RIPOR2: variants seen among roughly 807,000 people sequenced by gnomAD.
RIPOR2 encodes the protein RHO family interacting cell polarization regulator 2, also known as rho family-interacting cell polarization regulator 2.
RIPOR2 carries 39 observed loss-of-function variants against 114.5 expected under a neutral mutation model. The observed-to-expected ratio is 0.34, with a 90% CI of 0.26 to 0.44. The LOEUF (loss-of-function observed/expected upper bound fraction) is 0.44, where lower values mean the gene tolerates loss of function less well. RIPOR2 is among the 20% of genes least tolerant of loss of function. RIPOR2 has a pLI of 1.00. For missense variants in RIPOR2, 1,007 were observed against 1,255.1 expected, an observed-to-expected ratio of 0.80 and a Z score of 2.99; for synonymous variants, 445 against 484.4, an observed-to-expected ratio of 0.92 and a Z score of 1.07.
chr6:24,809,262 G>A (rs994854714), intron 21 of RIPOR2, among the ~76,000 whole-genome samples: 1 of 152,152 alleles, frequency 6.6e-6, no homozygotes, highest in Non-Finnish European at 1.5e-5. Context: ...AGGCCACAGG[G>A]CAGTCAGAGG....
rs1048880039 is a variant in RIPOR2, at chr6:24,830,608, C to G, written c.2407G>C (p.Val803Leu). ...LSFWTKCCSP[V>L]GVYHSPADRV... is the part of the protein sequence containing the mutation. ...TCCGCTGGGCTGTGGTAGACACCAACAGGGCTGCAGCACTTGGTCCAGAAT... is the reference window on the plus strand; with the variant it reads ...TCCGCTGGGCTGTGGTAGACACCAAGAGGGCTGCAGCACTTGGTCCAGAAT... Residue 803 changes from valine to leucine, a missense_variant, in exon 17 of 22, where the codon GTT becomes CTT. By Grantham distance (32) the Val-to-Leu change is conservative (BLOSUM62 1). Transcript: ENST00000643898. The G allele has an allele frequency of 6.4e-7, 1 of 1,551,592 alleles. No homozygotes were observed.
intron 13 of RIPOR2, among the ~76,000 whole-genome samples, chr6:24,841,338 T>C (rs994665922): frequency 6.6e-6 from 1 of 152,166 alleles, no homozygotes; most frequent in Non-Finnish European, 1.5e-5. Flanking sequence ...GCAGCCTGCA[T>C]ATACAAGCCC....
intron 20 of RIPOR2, among the ~76,000 whole-genome samples, chr6:24,817,976 C>CTTT (rs758675486): frequency 1.2e-5 from 1 of 84,444 alleles, no homozygotes. Flanking sequence ...CTCTCTCTCT[C>CTTT]TCTTTTTTTT....
intron 1 of RIPOR2, among the ~76,000 whole-genome samples, chr6:25,021,358 G>A (rs1776308678): frequency 6.6e-6 from 1 of 152,182 alleles, no homozygotes; most frequent in South Asian, 2.1e-4. Context: ...GATGATGCAA[G>A]GGGATTATAG....
intron 11 of RIPOR2, 43 bp from the exon 12 acceptor site, chr6:24,848,197 C>T: frequency 1.2e-6 from 2 of 1,603,984 alleles, no homozygotes; most frequent in African/African-American, 1.3e-5. Context: ...TTGGCAAAAT[C>T]ACCTATCATC....
At chr6:24,994,204 T>C (rs1774952770) in intron 1 of RIPOR2, among the ~76,000 whole-genome samples, 1 of 152,050 alleles carries the variant, frequency 6.6e-6, no homozygotes, top group African/African-American at 2.4e-5. Flanking sequence ...ACTGGACTCT[T>C]TGAGACTGAG....
At chr6:24,934,514 C>A in intron 1 of RIPOR2, among the ~76,000 whole-genome samples, 1 of 152,210 alleles carries the variant, frequency 6.6e-6, no homozygotes, top group Admixed American at 6.5e-5. Flanking sequence ...TTACATTCTA[C>A]ATGACTAGAT....
chr6:24,972,892 G>C (rs1773849314), intron 1 of RIPOR2, among the ~76,000 whole-genome samples: 1 of 152,166 alleles, frequency 6.6e-6, no homozygotes, highest in Admixed American at 6.5e-5. Context: ...TTTATTTTAT[G>C]GGTGGAGACA....
intron 1 of RIPOR2, among the ~76,000 whole-genome samples, chr6:24,999,479 C>A (rs1216170773): frequency 2.6e-5 from 4 of 152,076 alleles, no homozygotes; most frequent in African/African-American, 9.7e-5. Flanking sequence ...CTCTTGTCTA[C>A]AACCACATTC....
intron 1 of RIPOR2, among the ~76,000 whole-genome samples, chr6:24,973,521 T>C (rs1467507480): frequency 2.0e-5 from 3 of 149,868 alleles, no homozygotes; most frequent in African/African-American, 7.4e-5. Flanking sequence ...AGCTTGAACC[T>C]GGAAGGCAGA....
intron 1 of RIPOR2, among the ~76,000 whole-genome samples, chr6:24,951,943 C>A (rs536865570): frequency 6.6e-6 from 1 of 152,280 alleles, no homozygotes; most frequent in East Asian, 1.9e-4. Context: ...CCACAGTAGT[C>A]GTAAATATGT....
intron 19 of RIPOR2, among the ~76,000 whole-genome samples, chr6:24,820,539 A>G (rs1759593655): frequency 6.6e-6 from 1 of 152,170 alleles, no homozygotes; most frequent in Non-Finnish European, 1.5e-5. Flanking sequence ...CTTTCTCTCC[A>G]GTCGCTGGCA....
At chr6:24,917,120 G>GT (rs1182715965) in intron 1 of RIPOR2, among the ~76,000 whole-genome samples, 4 of 151,970 alleles carry the variant, frequency 2.6e-5, no homozygotes, top group Non-Finnish European at 5.9e-5. Context: ...TAGGCCAACA[G>GT]TTCCCCCGGC....
intron 1 of RIPOR2, among the ~76,000 whole-genome samples, chr6:24,964,338 C>A (rs1773434514): frequency 6.6e-6 from 1 of 152,180 alleles, no homozygotes; most frequent in South Asian, 2.1e-4. Context: ...CAACTCCTAA[C>A]CTGTTATAAG....
At chr6:24,828,102 C>A (rs1760342462) in intron 18 of RIPOR2, 35 bp downstream of exon 18, 1 of 1,472,722 alleles carries the variant, frequency 6.8e-7, no homozygotes, top group African/African-American at 1.4e-5. Flanking sequence ...CCAAATTGAG[C>A]CACCACTACA....
intron 13 of RIPOR2, chr6:24,839,645 AC>A (rs1562240613): frequency 6.5e-7 from 1 of 1,540,794 alleles, no homozygotes; most frequent in East Asian, 2.4e-5. Flanking sequence ...AACAAAAAAA[AC>A]AAAAAACAAA....
chr6:24,863,099 C>G (rs528049859), intron 7 of RIPOR2, among the ~76,000 whole-genome samples: 1 of 151,990 alleles, frequency 6.6e-6, no homozygotes, highest in Admixed American at 6.6e-5. Flanking sequence ...ATTACAGGTG[C>G]CCGCCACCAC....
intron 1 of RIPOR2, among the ~76,000 whole-genome samples, chr6:24,990,255 G>A (rs1774745978): frequency 6.6e-6 from 1 of 152,204 alleles, no homozygotes; most frequent in African/African-American, 2.4e-5. Flanking sequence ...AAAGGTCTTA[G>A]TTTCTGGACG....
At chr6:24,978,848 C>T (rs1362209849) in intron 1 of RIPOR2, among the ~76,000 whole-genome samples, 1 of 152,026 alleles carries the variant, frequency 6.6e-6, no homozygotes, top group African/African-American at 2.4e-5. Flanking sequence ...ACATTCATTC[C>T]TACTTCATCT....
Sources: allele counts gnomAD v4.1 joint callset (sites outside exome capture counted in the v4.1 genomes callset), GRCh38; gene constraint gnomAD v4.1.1; transcripts MANE v1.5; gene names NCBI Gene and HGNC (gene_info 2026-07-23, HGNC 2026-07-21).